FOXP2: variants seen among roughly 807,000 people sequenced by gnomAD.
FOXP2 encodes forkhead box protein P2.
Under a neutral mutation model 115.8 loss-of-function variants are expected in FOXP2, and 12 were observed. That is an observed-to-expected ratio of 0.10 (90% CI 0.07 to 0.17). The LOEUF is 0.17. Among genes scored for constraint, FOXP2 ranks in the 10% least tolerant of loss-of-function variants. The pLI is 1.00. For synonymous variants in FOXP2, 328 were observed against 297.7 expected, an observed-to-expected ratio of 1.10 and a Z score of -1.05; for missense variants, 629 against 843.5, an observed-to-expected ratio of 0.75 and a Z score of 3.15.
intron 1 of FOXP2, among the ~76,000 whole-genome samples, chr7:114,251,136 G>C (rs1392059813): frequency 6.6e-6 from 1 of 152,100 alleles, no homozygotes; most frequent in Non-Finnish European, 1.5e-5. Context: ...TGAGGGCTCT[G>C]TTCTGTTCCA....
At chr7:114,514,176 A>G (rs532861944) in intron 2 of FOXP2, among the ~76,000 whole-genome samples, 9 of 152,188 alleles carry the variant, frequency 5.9e-5, no homozygotes, top group South Asian at 2.1e-4. Context: ...GTATATATAC[A>G]TGCTGTTTTC....
At chr7:114,200,546 C>G (rs1761157451) in intron 1 of FOXP2, among the ~76,000 whole-genome samples, 1 of 152,118 alleles carries the variant, frequency 6.6e-6, no homozygotes, top group South Asian at 2.1e-4. Flanking sequence ...TCTTGCAGTG[C>G]CTATGATTTC....
chr7:114,372,754 C>A (rs945763159), intron 2 of FOXP2, among the ~76,000 whole-genome samples: 4 of 151,660 alleles, frequency 2.6e-5, no homozygotes, highest in African/African-American at 7.3e-5. Flanking sequence ...TGTTTCCCCA[C>A]GTGTAAATAA....
At chr7:114,537,122 A>C (rs1425827866) in intron 3 of FOXP2, among the ~76,000 whole-genome samples, 1 of 151,536 alleles carries the variant, frequency 6.6e-6, no homozygotes, top group Non-Finnish European at 1.5e-5. Context: ...TTTTCATTAA[A>C]ATTTTCAATA....
upstream of FOXP2, among the ~76,000 whole-genome samples, chr7:114,409,535 A>T (rs1231964736): frequency 6.6e-6 from 1 of 152,114 alleles, no homozygotes; most frequent in Non-Finnish European, 1.5e-5. Context: ...TGGACATCTT[A>T]TTGAATCTTT....
At chr7:114,476,991 G>C (rs533874691) in intron 2 of FOXP2, among the ~76,000 whole-genome samples, 1 of 152,082 alleles carries the variant, frequency 6.6e-6, no homozygotes, top group East Asian at 1.9e-4. Context: ...TTATCAAAAA[G>C]TCAAAAGAAC....
intron 1 of FOXP2, among the ~76,000 whole-genome samples, chr7:114,188,754 G>A (rs1793680019): frequency 6.6e-6 from 1 of 152,162 alleles, no homozygotes; most frequent in Admixed American, 6.5e-5. Context: ...CAAACTCCAT[G>A]AGGATATAGG....
upstream of FOXP2, among the ~76,000 whole-genome samples, chr7:114,158,477 G>T (rs1792731367): frequency 6.6e-6 from 1 of 151,734 alleles, no homozygotes. Context: ...TTCCGATTTG[G>T]CAAGACTAAA....
At chr7:114,482,124 A>AAG (rs966653137) in intron 2 of FOXP2, among the ~76,000 whole-genome samples, 1 of 151,316 alleles carries the variant, frequency 6.6e-6, no homozygotes, top group African/African-American at 2.4e-5. Context: ...ATCGAGAGAG[A>AAG]GGGATTGTCT....
chr7:114,409,390 C>T (rs1430718583), upstream of FOXP2, among the ~76,000 whole-genome samples: 1 of 152,126 alleles, frequency 6.6e-6, no homozygotes, highest in African/African-American at 2.4e-5. Flanking sequence ...AACTTAACTA[C>T]AGATATGTCA....
intron 16 of FOXP2, chr7:114,667,473 A>G (rs1438712152): frequency 2.6e-5 from 4 of 152,140 alleles, no homozygotes; most frequent in African/African-American, 9.7e-5. Context: ...AGGACTTATT[A>G]TAGGTAGCAC....
rs187347543 is a variant in FOXP2, at chr7:114,291,896, T to C, written c.-11+3787T>C. Among the ~76,000 whole-genome samples the C allele has an allele frequency of 2.7e-3, 377 of 139,600 alleles. 8 individuals carry two copies. Among genetic ancestry groups the C allele is most frequent in the African/African-American group, 8.0e-3 (298 of 37,044 alleles). The allele number at this position is 139,600 out of a possible 152,430, so 91.6% of individuals were successfully genotyped here. On this transcript the variant is annotated intron_variant, in intron 2 of 17. Coordinates refer to the FOXP2 transcript ENST00000634411. ...TAGATAATATATAGAATATATATTA[T>C]AGATAATATATAGAATATATATTAT...
In FOXP2 at chr7:114,116,903, C is replaced by T. The variant is rs1183407145; in HGVS notation, c.-247+29065C>T. On this transcript the variant is annotated intron_variant, in intron 1 of 19. Coordinates refer to the FOXP2 transcript ENST00000635638. ...TACCTGCTCTGAATCTCAAGTCCCA[C>T]CCAGTCCAAGGTAATCCTTTGGGGG... 2.6e-5 allele frequency among the ~76,000 whole-genome samples: 4 copies of T among 152,094 alleles called. No homozygotes were observed. The East Asian group carries it at 7.7e-4, about 29-fold the overall frequency.
chr7:114,144,583 C>A (rs773636728), intron 1 of FOXP2, among the ~76,000 whole-genome samples: 1 of 151,802 alleles, frequency 6.6e-6, no homozygotes, highest in African/African-American at 2.4e-5. Flanking sequence ...TCTTAAATAC[C>A]AAAATATTTT....
At chr7:114,494,276 C>T (rs536992409) in intron 2 of FOXP2, among the ~76,000 whole-genome samples, 120 of 152,242 alleles carry the variant, frequency 7.9e-4, no homozygotes, top group Non-Finnish European at 1.6e-3. Flanking sequence ...TCCTAAGTTG[C>T]AGTTCAGTAC....
rs1802583711 is a variant in FOXP2, at chr7:114,594,219, G to C, written c.259-34321G>C. ...TAATTCCTTCATACAATGAAGTATAGAGAATTTAAACTCTTTTTAAGGAAA... is the reference window on the plus strand; with the variant it reads ...TAATTCCTTCATACAATGAAGTATACAGAATTTAAACTCTTTTTAAGGAAA... On this transcript the variant is annotated intron_variant, in intron 3 of 16. Transcript: ENST00000350908. 7.2e-5 allele frequency among the ~76,000 whole-genome samples: 11 copies of C among 151,954 alleles called. No homozygotes were observed. In the South Asian group the frequency reaches 2.3e-3, roughly 32 times the overall value.
intron 2 of FOXP2, among the ~76,000 whole-genome samples, chr7:114,363,170 C>T (rs1791792899): frequency 6.6e-6 from 1 of 152,024 alleles, no homozygotes; most frequent in Non-Finnish European, 1.5e-5. Context: ...TTATTAAGCA[C>T]CTTTTATATG....
chr7:114,242,189 A>G (rs1225801719), intron 1 of FOXP2, among the ~76,000 whole-genome samples: 3 of 151,792 alleles, frequency 2.0e-5, no homozygotes, highest in African/African-American at 7.3e-5. Flanking sequence ...AATACAGCCT[A>G]TAGGTCATTG....
chr7:114,245,142 C>G (rs1452018935), intron 1 of FOXP2, among the ~76,000 whole-genome samples: 3 of 152,134 alleles, frequency 2.0e-5, no homozygotes, highest in African/African-American at 7.2e-5. Flanking sequence ...ATGGATTATA[C>G]CTTTTTTCTA....
Sources: gnomAD v4.1 joint callset for allele counts (sites outside exome capture counted in the v4.1 genomes callset) on GRCh38, gnomAD v4.1.1 for gene constraint, MANE v1.5 for transcripts, NCBI Gene and HGNC (gene_info 2026-07-23, HGNC 2026-07-21) for gene names.